The following HS1BP3 variants were observed in gnomAD, a reference collection of about 807,000 sequenced individuals.
HS1BP3 encodes the protein HCLS1-binding protein 3.
A neutral mutation model predicts 33.5 loss-of-function variants in HS1BP3; 32 were observed. The ratio of observed to expected loss-of-function variants is 0.95; its 90% CI spans 0.72 to 1.28. The LOEUF is 1.28. Among genes scored for constraint, HS1BP3 ranks in the 50% most tolerant of loss-of-function variants. The pLI, the probability that HS1BP3 is intolerant of heterozygous loss-of-function variation, is 0.00. For missense variants in HS1BP3, 486 were observed against 502.3 expected (o/e 0.97, Z 0.31); for synonymous variants, 187 against 209.2 (o/e 0.89, Z 0.92).
At chr2:20,632,301 C>T (rs1400744288) in intron 4 of HS1BP3, among the ~76,000 whole-genome samples, 3 of 152,240 alleles carry the variant, frequency 2.0e-5, no homozygotes, top group Non-Finnish European at 2.9e-5. Flanking sequence ...CTCACATGGG[C>T]GCTCCTATGC....
intron 2 of HS1BP3, among the ~76,000 whole-genome samples, chr2:20,608,431 G>A (rs2149285204): frequency 6.6e-6 from 1 of 152,144 alleles, no homozygotes; most frequent in Non-Finnish European, 1.5e-5. Flanking sequence ...AAAATTAGCT[G>A]GCTGTGGTGG....
At chr2:20,590,152 T>TG (rs1445933354), downstream of HS1BP3, among the ~76,000 whole-genome samples, 1 of 152,108 alleles carries the variant, frequency 6.6e-6, no homozygotes, top group Non-Finnish European at 1.5e-5. Context: ...AGGTGGAAGC[T>TG]GGGGGCATTT....
chr2:20,645,534 T>A, intron 1 of HS1BP3, 29 bp from the exon 2 acceptor site: 1 of 1,597,640 alleles, frequency 6.3e-7, no homozygotes, highest in Non-Finnish European at 8.5e-7. Flanking sequence ...GCAGGTGGGG[T>A]TCAGGGTCAA....
chr2:20,629,658 G>A (rs1694908577), intron 4 of HS1BP3, among the ~76,000 whole-genome samples: 1 of 152,240 alleles, frequency 6.6e-6, no homozygotes, highest in East Asian at 1.9e-4. Flanking sequence ...CATGAGGTAG[G>A]TGGGGTGCTC....
chr2:20,628,189 CTG>C lies in HS1BP3; in HGVS notation c.624-3299_624-3298del, dbSNP rs368564366. On this transcript the variant is annotated intron_variant, in intron 4 of 6. Transcript: ENST00000304031. The stretch of plus-strand genomic sequence containing the variant: ...GGGCACCTTTGATGGCGAGCACTCA[CTG>C]AGAACCTCCCACCTGCAAGAACCTG... Among the ~76,000 whole-genome samples, 12 of 152,272 alleles carry C rather than the reference CTG, an allele frequency of 7.9e-5. No individual in the cohort carries two copies. The East Asian group carries it at 1.9e-3, about 24-fold the overall frequency.
At chr2:20,557,042 T>A (rs866072377), downstream of HS1BP3, among the ~76,000 whole-genome samples, 45 of 148,218 alleles carry the variant, frequency 3.0e-4, no homozygotes, top group Middle Eastern at 3.5e-3. Context: ...GCATGTAATA[T>A]GTCCTCAAAC....
intron 2 of HS1BP3, among the ~76,000 whole-genome samples, chr2:20,602,234 G>T (rs1409831482): frequency 6.6e-6 from 1 of 151,230 alleles, no homozygotes. Context: ...TTTATTTCTG[G>T]CCTCTGTGCC....
chr2:20,637,604 A>G (rs56174003), intron 4 of HS1BP3: 24,763 of 150,426 alleles, frequency 0.16, 2,224 homozygotes, highest in Non-Finnish European at 0.2. Flanking sequence ...CCACCCTCCC[A>G]TAACCCTCCC....
chr2:20,560,954 G>A (rs1411121727), intron 5 of HS1BP3, among the ~76,000 whole-genome samples: 1 of 152,090 alleles, frequency 6.6e-6, no homozygotes, highest in East Asian at 1.9e-4. Context: ...TGACCCTGGG[G>A]CAACAGGAGC....
chr2:20,639,284 C>G (rs1695265809), intron 3 of HS1BP3, among the ~76,000 whole-genome samples: 1 of 152,210 alleles, frequency 6.6e-6, no homozygotes, highest in African/African-American at 2.4e-5. Flanking sequence ...TGTGTGACCA[C>G]AATGAGGTAA....
Position 20,618,575 on chromosome 2 carries a change from G to T in HS1BP3, c.*412C>A. The T allele has an allele frequency of 3.2e-6, 1 of 316,256 alleles. No individual in the cohort carries two copies. Among genetic ancestry groups the T allele is most frequent in the Non-Finnish European group, 4.8e-6 (1 of 209,612 alleles). The allele number at this position is 316,256 out of a possible 1,614,324, so 19.6% of individuals were successfully genotyped here. A position where few individuals can be genotyped will look rare whatever the true frequency, so the allele number is the denominator to read the frequency against. On this transcript the variant is annotated 3_prime_UTR_variant, in exon 7 of 7. Coordinates refer to ENST00000304031, the MANE Select transcript of HS1BP3 (RefSeq NM_022460.4). ...GAACAGAGGCAGAGGAGGGATAGAG[G>T]CCCAGCCCCAGTTTGGGTCTGTGCT...
At chr2:20,624,101 T>G in intron 5 of HS1BP3, 70 bp from the exon 6 acceptor site, 1 of 1,548,142 alleles carries the variant, frequency 6.5e-7, no homozygotes. Context: ...GCTCTCTCTC[T>G]GCCCCACCCC....
chr2:20,591,094 G>A (rs1035391007), downstream of HS1BP3: 6 of 167,126 alleles, frequency 3.6e-5, no homozygotes, highest in South Asian at 4.1e-4. Context: ...GGCTGGTTAC[G>A]TTGGGAGGCC....
At chr2:20,580,378 G>T (rs1244702790) in intron 5 of HS1BP3, among the ~76,000 whole-genome samples, 2 of 152,152 alleles carry the variant, frequency 1.3e-5, no homozygotes, top group Non-Finnish European at 2.9e-5. Flanking sequence ...AATTAGCCAG[G>T]CGTATCAGTG....
rs189431031 is a variant in HS1BP3, at chr2:20,623,626, G to T, written c.920+270C>A. On this transcript the variant is annotated intron_variant, in intron 6 of 6. Transcript: ENST00000304031. ...AATTTAATTATTCTTTACATAAACT[G>T]TTAAAATATGATTGTGAAAAGAAAG... 8.5e-4 allele frequency: 319 copies of T among 375,366 alleles called. 2 individuals carry two copies. The highest frequency in any genetic ancestry group is 8.1e-4 in the Non-Finnish European group (171 of 212,262). 23.3% of individuals were successfully genotyped at this position (375,366 alleles called of 1,614,324 possible). A position where few individuals can be genotyped will look rare whatever the true frequency, so the allele number is the denominator to read the frequency against.
chr2:20,606,992 C>T (rs547694236), intron 2 of HS1BP3, among the ~76,000 whole-genome samples: 39 of 150,758 alleles, frequency 2.6e-4, no homozygotes, highest in African/African-American at 7.8e-4. Flanking sequence ...TTTTTTTGGC[C>T]GCTTGTGCTC....
intron 3 of HS1BP3, among the ~76,000 whole-genome samples, chr2:20,639,797 G>T (rs1247127292): frequency 6.6e-6 from 1 of 152,200 alleles, no homozygotes; most frequent in African/African-American, 2.4e-5. Context: ...CCAGAGAGGG[G>T]CTGGGACATC....
intron 4 of HS1BP3, among the ~76,000 whole-genome samples, chr2:20,628,162 G>A (rs1347537083): frequency 6.6e-6 from 1 of 152,060 alleles, no homozygotes; most frequent in East Asian, 1.9e-4. Context: ...TCCTTCCCTC[G>A]TGGGCACCTT....
At chr2:20,606,327 TG>T in intron 2 of HS1BP3, 1 of 468,998 alleles carries the variant, frequency 2.1e-6, no homozygotes, top group Non-Finnish European at 4.3e-6. Flanking sequence ...TTGGTATTTC[TG>T]GTATAAATTA....
Sources: allele counts gnomAD v4.1 joint callset (sites outside exome capture counted in the v4.1 genomes callset), GRCh38; gene constraint gnomAD v4.1.1; transcripts MANE v1.5; gene names NCBI Gene and HGNC (gene_info 2026-07-23, HGNC 2026-07-21).